Variants in PLXND1 observed in about 807,000 individuals in gnomAD.
PLXND1 encodes the protein plexin D1.
PLXND1 carries 54 observed loss-of-function variants against 197.7 expected under a neutral mutation model. The ratio of observed to expected loss-of-function variants is 0.27; its 90% CI spans 0.22 to 0.34. PLXND1 has a LOEUF of 0.34. PLXND1 is among the 10% of genes least tolerant of loss of function. The pLI, the probability that PLXND1 is intolerant of heterozygous loss-of-function variation, is 1.00. For synonymous variants in PLXND1, 1,180 were observed against 1,161.2 expected, an observed-to-expected ratio of 1.02 and a Z score of -0.33; for missense variants, 2,127 against 2,699.2, an observed-to-expected ratio of 0.79 and a Z score of 4.70.
At chr3:129,588,034 T>C (rs368589059) in intron 2 of PLXND1, among the ~76,000 whole-genome samples, 1 of 152,194 alleles carries the variant, frequency 6.6e-6, no homozygotes, top group Admixed American at 6.5e-5. Flanking sequence ...CAATCATTTA[T>C]TGAGCAACTA....
In PLXND1 at chr3:129,584,429, T is replaced by A; in HGVS notation, c.1985A>T (p.Asn662Ile). ...CGGAAACTGGTCCCTCGGCAGGAGG[T>A]TGCAGTAGGCAATCTGGTGACCAAA... ...PAFGHQIAYCNLLPRDQFPPF... is the reference protein window; with the variant it reads ...PAFGHQIAYCILLPRDQFPPF... Residue 662 changes from asparagine (N) to isoleucine (I), a missense_variant, in exon 6 of 36, where the codon AAC becomes ATC. By Grantham distance (149) the Asn-to-Ile change is moderately radical. Around this residue, in one of 6 missense-constraint regions of PLXND1, gnomAD observed 1,095 missense variants for 1,259.8 expected, o/e 0.87. Transcript: ENST00000324093. 1 of 1,613,152 alleles carries A rather than the reference T, an allele frequency of 6.2e-7. No individual in the cohort carries two copies. Among genetic ancestry groups the A allele is most frequent in the Non-Finnish European group, 8.5e-7 (1 of 1,179,812 alleles).
chr3:129,586,181 AG>A lies in PLXND1; in HGVS notation c.1711del (p.Leu571TrpfsTer33). 6.2e-7 allele frequency: 1 copy of A among 1,606,296 alleles called. No homozygotes were observed. On this transcript the variant is annotated frameshift_variant, in exon 4 of 36. Transcript: ENST00000324093. LOFTEE classifies it high-confidence loss of function. ...AADAYCGWCA[L>X]ETRCTLQQDC... ...TGGTGTCCAGCCTCACCGCGTCTCCAGGGCACACCAGCCGCAGTAGGCGTCC... is the reference window on the plus strand; with the variant it reads ...TGGTGTCCAGCCTCACCGCGTCTCCAGGCACACCAGCCGCAGTAGGCGTCC...
chr3:129,564,000 T>C (rs1322980814), intron 25 of PLXND1, among the ~76,000 whole-genome samples: 1 of 152,240 alleles, frequency 6.6e-6, no homozygotes, highest in Non-Finnish European at 1.5e-5. Flanking sequence ...GATTCCCTGC[T>C]TCCTAGAGGA....
Position 129,569,855 on chromosome 3 carries a change from G to T in PLXND1, c.3853C>A (p.Leu1285Ile), listed in dbSNP as rs759222944. Residue 1285 changes from leucine to isoleucine, a missense_variant, in exon 20 of 36, where the codon CTC becomes ATC. Coordinates refer to ENST00000324093, the MANE Select transcript of PLXND1 (RefSeq NM_015103.3). Reference protein sequence around the residue: ...SIVICSVLLLLSVVALFVFCT... With the variant: ...SIVICSVLLLISVVALFVFCT... ...TGGGGCTCCTTACCCACCACGGAGA[G>T]CAGCAGCAGGACGCTGCAGATGACG... The T allele has an allele frequency of 6.3e-7, 1 of 1,590,824 alleles. No homozygotes were observed.
chr3:129,571,802 G>T lies in PLXND1; in HGVS notation c.3120C>A (p.Ala1040=), dbSNP rs1228786107. The change falls in exon 16 of 36, where the codon GCC becomes GCA. Residue 1040 remains alanine, a synonymous_variant. Transcript: ENST00000324093. ...TSIACTMPEG[A]LPAPVPVCVR... The stretch of plus-strand genomic sequence containing the variant: ...CACACACAGGCACCGGAGCCGGCAG[G>T]GCCCCCTCAGGCATGGTGCAGGCGA... 6.2e-7 allele frequency: 1 copy of T among 1,613,016 alleles called. No homozygotes were observed. The highest frequency in any genetic ancestry group is 2.2e-5 in the East Asian group (1 of 44,888).
At chr3:129,590,494 C>T (rs549160690) in intron 1 of PLXND1, among the ~76,000 whole-genome samples, 20 of 152,274 alleles carry the variant, frequency 1.3e-4, no homozygotes, top group African/African-American at 2.6e-4. Flanking sequence ...GGGACACACA[C>T]ATGTGTCGGA....
intron 8 of PLXND1, among the ~76,000 whole-genome samples, chr3:129,580,100 G>C (rs1159156416): frequency 1.3e-5 from 2 of 152,156 alleles, no homozygotes; most frequent in African/African-American, 4.8e-5. Context: ...AGGAAACTGA[G>C]GCACACAGAA....
At chr3:129,578,620 C>A (rs2085346715) in intron 8 of PLXND1, 187 bp from the exon 9 acceptor site, 2 of 582,282 alleles carry the variant, frequency 3.4e-6, no homozygotes, top group Admixed American at 6.3e-5. Context: ...ATCCTATGGG[C>A]AGGTCGCATT....
rs990446800 is a variant in PLXND1, at chr3:129,558,093, G to C, written c.5445+335C>G. Among the ~76,000 whole-genome samples the C allele has an allele frequency of 2.0e-5, 3 of 152,218 alleles. No individual in the cohort carries two copies. The highest frequency in any genetic ancestry group is 4.4e-5 in the Non-Finnish European group (3 of 68,048). On this transcript the variant is annotated intron_variant, in intron 33 of 35. Transcript: ENST00000324093. This position sits in a 1 kb window ranked among gnomAD's most constrained non-coding sequence, Gnocchi z 4.1. ...TGCCCAGAGCCTGGCCCGGTTTTCA[G>C]ATGATGTTGTGCCTGACCAAGCAGG...
intron 1 of PLXND1, among the ~76,000 whole-genome samples, chr3:129,594,076 T>C (rs1241115303): frequency 1.3e-5 from 2 of 152,150 alleles, no homozygotes; most frequent in East Asian, 3.9e-4. Context: ...CCACCGCAGG[T>C]GGCACTATGA....
chr3:129,563,631 C>T (rs1011454850), intron 25 of PLXND1, among the ~76,000 whole-genome samples: 2 of 152,212 alleles, frequency 1.3e-5, no homozygotes, highest in African/African-American at 4.8e-5. Context: ...GGGGGGCCCC[C>T]AAGTGTGAGT....
At chr3:129,589,181 A>G (rs916033325) in intron 2 of PLXND1, among the ~76,000 whole-genome samples, 170 bp downstream of exon 2, 2 of 152,214 alleles carry the variant, frequency 1.3e-5, no homozygotes, top group East Asian at 1.9e-4. Flanking sequence ...CAATAGTGGC[A>G]AAAACAGACT....
Position 129,605,560 on chromosome 3 carries a change from C to A in PLXND1, c.1080G>T (p.Ser360=), listed in dbSNP as rs1203879893. 2 of 1,531,890 alleles carry A rather than the reference C, an allele frequency of 1.3e-6. No homozygotes were observed. The highest frequency in any genetic ancestry group is 1.7e-6 in the Non-Finnish European group (2 of 1,143,774). The allele number at this position is 1,531,890 out of a possible 1,614,324, so 94.9% of individuals were successfully genotyped here. The change falls in exon 1 of 36, where the codon TCG becomes TCT. Residue 360 remains serine (S), a synonymous_variant. Transcript: ENST00000324093. ...AGAGCCGCTCCCGGGCTGGGAAGAC[C>A]GACACCAGGCGGCTGTAGAGGTCGC... ...GRGDLYSRLV[S]VFPARERLFA...
chr3:129,569,655 A>G, intron 20 of PLXND1, 188 bp downstream of exon 20: 4 of 581,494 alleles, frequency 6.9e-6, no homozygotes, highest in Non-Finnish European at 1.2e-5. Flanking sequence ...AACATCTTCT[A>G]CCCATTGGTG....
At chr3:129,567,834 C>T in intron 20 of PLXND1, 29 bp from the exon 21 acceptor site, 15 of 1,374,312 alleles carry the variant, frequency 1.1e-5, no homozygotes, top group Non-Finnish European at 1.4e-5. Flanking sequence ...CAGGTCAGGC[C>T]TCTGGTGCCC....
At chr3:129,586,865 G>T in intron 2 of PLXND1, 146 bp from the exon 3 acceptor site, 1 of 912,702 alleles carries the variant, frequency 1.1e-6, no homozygotes, top group East Asian at 2.7e-5. Context: ...GGGCGTGCAG[G>T]GGAGGGCACA....
chr3:129,565,499 G>T lies in PLXND1; in HGVS notation c.4362C>A (p.Gly1454=), dbSNP rs150903371. The T allele has an allele frequency of 6.2e-7, 1 of 1,613,874 alleles. No homozygotes were observed. Among genetic ancestry groups the T allele is most frequent in the African/African-American group, 1.3e-5 (1 of 75,038 alleles). The part of the protein sequence containing the change: ...LASLLTIALH[G]KLEYYTSIMK... ...TGATGCTGGTGTAGTACTCCAGCTT[G>T]CCGTGCAGCGCGATGGTCAGCAGCG... is the stretch of plus-strand genomic sequence containing the variant. The change falls in exon 25 of 36, where the codon GGC becomes GGA. Residue 1454 remains glycine (G), a synonymous_variant. Coordinates refer to ENST00000324093, the MANE Select transcript of PLXND1 (RefSeq NM_015103.3).
chr3:129,575,502 C>A lies in PLXND1; in HGVS notation c.2497G>T (p.Ala833Ser), dbSNP rs1163096079. The change falls in exon 11 of 36, where the codon GCC (alanine) becomes TCC (serine). Residue 833 changes from alanine to serine, a missense_variant. Around this residue, in one of 6 missense-constraint regions of PLXND1, gnomAD observed 1,095 missense variants for 1,259.8 expected, o/e 0.87. Coordinates refer to ENST00000324093, the MANE Select transcript of PLXND1 (RefSeq NM_015103.3). ...PLSLQLKGRP[A>S]RFLDSPEPMT... ...GGCTCAGGGCTGTCCAGGAATCGGG[C>A]TGGCCGCCCCTTTAGTTGGAGGCTG... The A allele has an allele frequency of 1.3e-6, 2 of 1,555,376 alleles. No homozygotes were observed. Among genetic ancestry groups the A allele is most frequent in the Admixed American group, 1.9e-5 (1 of 51,554 alleles).
rs2085783620 is a variant in PLXND1 at position 129,605,834 on chromosome 3, T to G, written c.806A>C (p.Gln269Pro). 2.2e-5 allele frequency: 35 copies of G among 1,612,576 alleles called. No individual in the cohort carries two copies. Among genetic ancestry groups the G allele is most frequent in the Non-Finnish European group, 2.9e-5 (34 of 1,179,592 alleles). ...PSDDNILKIK[Q>P]GAKEQHKLGF... The stretch of plus-strand genomic sequence containing the variant: ...CAGCTTGTGCTGCTCCTTGGCGCCC[T>G]GCTTGATCTTGAGGATGTTGTCGTC... Residue 269 changes from glutamine to proline, a missense_variant, in exon 1 of 36, where the codon CAG (glutamine) becomes CCG (proline). Gln to Pro is a moderately conservative substitution (Grantham distance 76). This residue lies in a region of PLXND1 where 1,095 missense variants were observed against 1,259.8 expected (regional missense o/e 0.87). Coordinates refer to ENST00000324093, the MANE Select transcript of PLXND1 (RefSeq NM_015103.3).
Sources: gnomAD v4.1 joint callset for allele counts (sites outside exome capture counted in the v4.1 genomes callset) on GRCh38, gnomAD v4.1.1 for gene constraint, gnomAD v4.1.1 regional missense constraint, Gnocchi (gnomAD v3.1) non-coding constraint, MANE v1.5 for transcripts, NCBI Gene and HGNC (gene_info 2026-07-23, HGNC 2026-07-21) for gene names.